SDC3: variants seen among roughly 807,000 people sequenced by gnomAD.
The protein encoded by SDC3 is syndecan 3, also known as syndecan-3.
SDC3 carries 13 observed loss-of-function variants against 24.4 expected under a neutral mutation model. The observed-to-expected ratio is 0.53, with a 90% confidence interval of 0.35 to 0.85. The LOEUF (loss-of-function observed/expected upper bound fraction) is 0.85, where lower values mean the gene tolerates loss of function less well. Among genes scored for constraint, SDC3 ranks in the 40% least tolerant of loss-of-function variants. SDC3 has a pLI of 0.01. For missense variants in SDC3, 571 were observed against 584.5 expected, an observed-to-expected ratio of 0.98 and a Z score of 0.24; for synonymous variants, 295 against 260.9, an observed-to-expected ratio of 1.13 and a Z score of -1.26.
At chr1:30,874,276 G>C (rs770025805) in intron 4 of SDC3, 21 bp downstream of exon 4, 14 of 1,578,868 alleles carry the variant, frequency 8.9e-6, no homozygotes, top group Non-Finnish European at 1.2e-5. Context: ...GGCTCCCCTT[G>C]GCCCAGACCC....
At chr1:30,880,868 C>T (rs1639733130) in intron 1 of SDC3, 1 of 151,988 alleles carries the variant, frequency 6.6e-6, no homozygotes, top group Non-Finnish European at 1.5e-5. Flanking sequence ...TCATAATAAG[C>T]ATAATTATCC....
intron 1 of SDC3, among the ~76,000 whole-genome samples, chr1:30,887,232 G>A (rs755979664): frequency 6.6e-6 from 1 of 151,768 alleles, no homozygotes; most frequent in Non-Finnish European, 1.5e-5. Context: ...TCTGTCTCCA[G>A]GCTCCATGAC....
In SDC3 at chr1:30,873,333, A is replaced by C. The variant is rs1639574809; in HGVS notation, c.1207T>G (p.Leu403Val). The C allele has an allele frequency of 1.2e-6, 2 of 1,613,750 alleles. No individual in the cohort carries two copies. The highest frequency in any genetic ancestry group is 8.5e-7 in the Non-Finnish European group (1 of 1,179,754). ...GVVGALFAAF[L>V]VTLLIYRMKK... Reference sequence around the variant, plus strand: ...ATACGATAGATGAGCAGTGTGACCAAGAAGGCAGCAAAGAGGGCGCCCACC... The same window carrying C: ...ATACGATAGATGAGCAGTGTGACCACGAAGGCAGCAAAGAGGGCGCCCACC... The change falls in exon 5 of 5, where the codon TTG becomes GTG. Residue 403 changes from leucine to valine, a missense_variant. Coordinates refer to ENST00000339394, the MANE Select transcript of SDC3 (RefSeq NM_014654.4).
chr1:30,895,923 T>A (rs926827333), intron 1 of SDC3, among the ~76,000 whole-genome samples: 2 of 149,600 alleles, frequency 1.3e-5, no homozygotes, highest in Admixed American at 1.3e-4. Context: ...AGGAGGGAGG[T>A]TGGAGAGGAG....
intron 1 of SDC3, among the ~76,000 whole-genome samples, chr1:30,898,281 C>T (rs2124339727): frequency 6.6e-6 from 1 of 152,298 alleles, no homozygotes; most frequent in South Asian, 2.1e-4. Flanking sequence ...ATCCTAGTCC[C>T]CCTATCAATG....
chr1:30,878,440 C>T (rs1639685493), intron 2 of SDC3, 183 bp downstream of exon 2: 1 of 573,968 alleles, frequency 1.7e-6, no homozygotes, highest in South Asian at 2.2e-5. Context: ...AGGTCTTGTT[C>T]TATCCCCAGA....
chr1:30,873,523 C>T (rs1639579009), intron 4 of SDC3, 146 bp from the exon 5 acceptor site: 4 of 614,472 alleles, frequency 6.5e-6, no homozygotes, highest in Non-Finnish European at 1.2e-5. Context: ...CTACTACTAC[C>T]AGCACTGGGT....
chr1:30,881,398 G>A lies in SDC3; in HGVS notation c.139-2658C>T, dbSNP rs1464249675. The A allele has an allele frequency of 3.3e-5, 5 of 153,162 alleles. No individual in the cohort carries two copies. The South Asian group carries it at 5.9e-4, about 18-fold the overall frequency. 9.5% of individuals were successfully genotyped at this position (153,162 alleles called of 1,614,324 possible). On this transcript the variant is annotated intron_variant, in intron 1 of 4. Coordinates refer to ENST00000339394, the MANE Select transcript of SDC3 (RefSeq NM_014654.4). ...AACACGGACCCACCGCCATGGCCAC[G>A]TATGTTCCCTAAACACACATCGCTC...
chr1:30,894,319 G>A (rs968463014), intron 1 of SDC3, among the ~76,000 whole-genome samples: 1 of 139,752 alleles, frequency 7.2e-6, no homozygotes, highest in African/African-American at 2.7e-5. Flanking sequence ...GTGTGCATGA[G>A]TGTGTGGATG....
rs1383057513 is a variant in SDC3 at position 30,878,394 on chromosome 1, T to C, written c.256+229A>G. On this transcript the variant is annotated intron_variant, in intron 2 of 4. Coordinates refer to ENST00000339394, the MANE Select transcript of SDC3 (RefSeq NM_014654.4). The stretch of plus-strand genomic sequence containing the variant: ...ACACAAAGATGCAGACGTGGGACCC[T>C]GGAGACCTGGACATTCTGGGCCCTG... 6.1e-6 allele frequency: 3 copies of C among 488,640 alleles called. No homozygotes were observed. In the East Asian group the frequency reaches 9.7e-5, roughly 16 times the overall value. 30.3% of individuals were successfully genotyped at this position (488,640 alleles called of 1,614,324 possible). A position where few individuals can be genotyped will look rare whatever the true frequency, so the allele number is the denominator to read the frequency against.
chr1:30,873,817 GA>G (rs1293021252), intron 4 of SDC3, among the ~76,000 whole-genome samples: 1 of 152,136 alleles, frequency 6.6e-6, no homozygotes, highest in African/African-American at 2.4e-5. Context: ...TGAAGAGAAG[GA>G]AGACTGGAGA....
At chr1:30,882,307 C>T (rs903879676) in intron 1 of SDC3, among the ~76,000 whole-genome samples, 10 of 152,176 alleles carry the variant, frequency 6.6e-5, no homozygotes, top group Non-Finnish European at 1.5e-4. Context: ...ACTGATGCCC[C>T]CTGCTTCCAT....
intron 1 of SDC3, among the ~76,000 whole-genome samples, chr1:30,890,248 A>G (rs555800841): frequency 6.6e-6 from 1 of 152,314 alleles, no homozygotes; most frequent in East Asian, 1.9e-4. Context: ...CAGAGGTTGC[A>G]GGGAGCCGAG....
rs1429579240 is a variant in SDC3 at position 30,872,530 on chromosome 1, C to T, written c.*681G>A. 1 of 152,568 alleles carries T rather than the reference C, an allele frequency of 6.6e-6. No homozygotes were observed. The highest frequency in any genetic ancestry group is 1.9e-4 in the East Asian group (1 of 5,202). 9.5% of individuals were successfully genotyped at this position (152,568 alleles called of 1,614,324 possible). ...GTGCAGAGTCCCCTCATAGGAGGGA[C>T]ATCAGAGCAGCCCCTCCTCACCAGT... On this transcript the variant is annotated 3_prime_UTR_variant, in exon 5 of 5. Coordinates refer to ENST00000339394, the MANE Select transcript of SDC3 (RefSeq NM_014654.4).
chr1:30,908,115 G>C (rs1404463954), intron 1 of SDC3, among the ~76,000 whole-genome samples: 1 of 151,988 alleles, frequency 6.6e-6, no homozygotes, highest in Non-Finnish European at 1.5e-5. Flanking sequence ...TGGGGGAACA[G>C]GGCTGAGGAC....
At chr1:30,879,413 G>A (rs1008340469) in intron 1 of SDC3, among the ~76,000 whole-genome samples, 1 of 152,174 alleles carries the variant, frequency 6.6e-6, no homozygotes, top group East Asian at 1.9e-4. Context: ...CTCCCGTGAC[G>A]AATTGCTGGG....
At chr1:30,896,382 A>G (rs1639998638) in intron 1 of SDC3, among the ~76,000 whole-genome samples, 1 of 152,150 alleles carries the variant, frequency 6.6e-6, no homozygotes, top group South Asian at 2.1e-4. Context: ...AAATAACATA[A>G]TTGGGCTTGG....
rs149103275 is a variant in SDC3, at chr1:30,906,297, G to A, written c.138+2152C>T. ...CACTCCACTTCCCACCACCTCACCAGGCGCCCCAGTACCTGCCCTCCCCCA... is the reference window on the plus strand; with the variant it reads ...CACTCCACTTCCCACCACCTCACCAAGCGCCCCAGTACCTGCCCTCCCCCA... On this transcript the variant is annotated intron_variant, in intron 1 of 4. Transcript: ENST00000339394. Among the ~76,000 whole-genome samples, 367 of 152,204 alleles carry A rather than the reference G, an allele frequency of 2.4e-3. 2 individuals carry two copies. Among genetic ancestry groups the A allele is most frequent in the African/African-American group, 8.1e-3 (338 of 41,528 alleles).
intron 1 of SDC3, among the ~76,000 whole-genome samples, chr1:30,882,914 A>G (rs147355219): frequency 2.0e-3 from 299 of 152,352 alleles, no homozygotes; most frequent in African/African-American, 6.5e-3. Context: ...GATGATGAGA[A>G]GACTACGCAG....
Sources: gnomAD v4.1 joint callset for allele counts (sites outside exome capture counted in the v4.1 genomes callset) on GRCh38, gnomAD v4.1.1 for gene constraint, MANE v1.5 for transcripts, NCBI Gene and HGNC (gene_info 2026-07-23, HGNC 2026-07-21) for gene names.